The following PECAM1 variants were observed in gnomAD, a reference collection of about 807,000 sequenced individuals.
The protein encoded by PECAM1 is platelet and endothelial cell adhesion molecule 1, also known as platelet endothelial cell adhesion molecule.
In PECAM1, 8 loss-of-function variants were observed where a neutral mutation model predicts 13.8. The ratio of observed to expected loss-of-function variants is 0.58; its 90% CI spans 0.34 to 1.05. The LOEUF (loss-of-function observed/expected upper bound fraction) is 1.05. PECAM1 is among the 50% of genes least tolerant of loss of function. The pLI is 0.03. For missense variants in PECAM1, 304 were observed against 141.2 expected (o/e 2.15, Z -5.84); for synonymous variants, 136 against 52.6 (o/e 2.58, Z -6.86).
chr17:64,375,617 G>A (rs1300862149), intron 3 of PECAM1, among the ~76,000 whole-genome samples: 1 of 151,650 alleles, frequency 6.6e-6, no homozygotes, highest in Non-Finnish European at 1.5e-5. Flanking sequence ...CCCAGGAGTT[G>A]GAGACCAGCC....
chr17:64,376,370 C>T (rs1404193858), intron 3 of PECAM1, among the ~76,000 whole-genome samples: 1 of 151,842 alleles, frequency 6.6e-6, no homozygotes, highest in African/African-American at 2.4e-5. Flanking sequence ...TCAAGATGTA[C>T]TTGGTGTTTT....
intron 13 of PECAM1, among the ~76,000 whole-genome samples, chr17:64,342,600 G>A (rs1049023148): frequency 6.6e-5 from 10 of 152,058 alleles, no homozygotes; most frequent in African/African-American, 2.4e-4. Context: ...TGGTCTGGGG[G>A]GGTCCCTGGT....
Position 64,323,549 on chromosome 17 carries a change from C to T in PECAM1, c.*267G>A. 1 of 1,406,768 alleles carries T rather than the reference C, an allele frequency of 7.1e-7. No homozygotes were observed. The highest frequency in any genetic ancestry group is 9.2e-7 in the Non-Finnish European group (1 of 1,082,954). The allele number at this position is 1,406,768 out of a possible 1,614,324, so 87.1% of individuals were successfully genotyped here. On this transcript the variant is annotated 3_prime_UTR_variant, in exon 16 of 16. Transcript: ENST00000563924. ...CCAATGGCCTTGCCCTGGATCTCCT[C>T]TTGTGCTCTTCCAATTTCCAAGGAT...
intron 11 of PECAM1, among the ~76,000 whole-genome samples, chr17:64,351,063 A>G: frequency 6.6e-6 from 1 of 152,080 alleles, no homozygotes; most frequent in Non-Finnish European, 1.5e-5. Context: ...TTTTTAGTAG[A>G]AACAGGGTTA....
At chr17:64,386,199 G>A (rs990369603) in intron 2 of PECAM1, among the ~76,000 whole-genome samples, 109 of 152,256 alleles carry the variant, frequency 7.2e-4, no homozygotes, top group African/African-American at 2.4e-3. Flanking sequence ...AAGGTCAGGA[G>A]TTTGAGAATA....
At chr17:64,343,871 C>T (rs1016586326) in intron 13 of PECAM1, among the ~76,000 whole-genome samples, 117 of 152,268 alleles carry the variant, frequency 7.7e-4, no homozygotes, top group African/African-American at 2.6e-3. Context: ...GGGGATCCTC[C>T]ACATCCCCAA....
chr17:64,326,289 C>G (rs1471629056), intron 15 of PECAM1, among the ~76,000 whole-genome samples: 3 of 152,216 alleles, frequency 2.0e-5, no homozygotes, highest in Non-Finnish European at 4.4e-5. Flanking sequence ...TGGAGGATGA[C>G]CCAGGGTCTT....
chr17:64,388,584 A>C (rs2036649956), intron 2 of PECAM1, among the ~76,000 whole-genome samples: 1 of 152,248 alleles, frequency 6.6e-6, no homozygotes, highest in South Asian at 2.1e-4. Flanking sequence ...GGCTCCAGAC[A>C]AATGGTGCAG....
intron 2 of PECAM1, among the ~76,000 whole-genome samples, chr17:64,387,099 T>A (rs2036610479): frequency 6.6e-6 from 1 of 151,756 alleles, no homozygotes; most frequent in South Asian, 2.1e-4. Context: ...GAAGAGGGTT[T>A]GTTAGAGAGT....
intron 5 of PECAM1, among the ~76,000 whole-genome samples, chr17:64,368,901 G>GCAA (rs1462275333): frequency 2.1e-5 from 3 of 143,780 alleles, no homozygotes; most frequent in Non-Finnish European, 3.0e-5. Context: ...AACCCATCAT[G>GCAA]CAATGTTCAA....
Position 64,323,574 on chromosome 17 carries a change from T to A in PECAM1, c.*242A>T. The A allele has an allele frequency of 2.1e-6, 3 of 1,418,322 alleles. No individual in the cohort carries two copies. The highest frequency in any genetic ancestry group is 2.8e-6 in the Non-Finnish European group (3 of 1,089,668). The allele number at this position is 1,418,322 out of a possible 1,614,324, so 87.9% of individuals were successfully genotyped here. ...CTTGTGCTCTTCCAATTTCCAAGGA[T>A]GTTCCAACTTGGTGGAAGGAGGGTA... is the stretch of plus-strand genomic sequence containing the variant. On this transcript the variant is annotated 3_prime_UTR_variant, in exon 16 of 16. Transcript: ENST00000563924.
At chr17:64,386,421 A>G (rs1365674189) in intron 2 of PECAM1, among the ~76,000 whole-genome samples, 1 of 148,818 alleles carries the variant, frequency 6.7e-6, no homozygotes, top group Admixed American at 6.7e-5. Context: ...AAAAAAAAAG[A>G]AAAAGAAAGA....
At chr17:64,324,523 C>T (rs2034892220) in intron 15 of PECAM1, among the ~76,000 whole-genome samples, 1 of 152,206 alleles carries the variant, frequency 6.6e-6, no homozygotes, top group East Asian at 1.9e-4. Flanking sequence ...AAGGGTGCCC[C>T]ACTTACCCAC....
intron 12 of PECAM1, 145 bp downstream of exon 12, chr17:64,350,235 T>C (rs1354015106): frequency 1.3e-5 from 5 of 381,292 alleles, no homozygotes; most frequent in African/African-American, 1.0e-4. Flanking sequence ...GCTAGCTACC[T>C]TCATTGACAC....
Position 64,363,400 on chromosome 17 carries a change from G to A in PECAM1, c.968-3C>T, listed in dbSNP as rs1312748595. On this transcript the variant is annotated splice_polypyrimidine_tract_variant and splice_region_variant and intron_variant, in intron 5 of 15. Transcript: ENST00000563924. ...CAGTTCGGGCTTGGAAAATAGTTCT[G>A]AAAAACAGTGAGTGGGAATGGAGCG... is the stretch of plus-strand genomic sequence containing the variant. The A allele has an allele frequency of 3.2e-5, 15 of 475,390 alleles. No homozygotes were observed. The South Asian group carries it at 8.7e-4, about 28-fold the overall frequency. 29.4% of individuals were successfully genotyped at this position (475,390 alleles called of 1,614,324 possible).
chr17:64,355,010 A>G lies in PECAM1; in HGVS notation c.1811T>C (p.Ile604Thr). 2.1e-6 allele frequency: 1 copy of G among 475,412 alleles called. No individual in the cohort carries two copies. The highest frequency in any genetic ancestry group is 3.9e-6 in the Non-Finnish European group (1 of 259,050). 29.4% of individuals were successfully genotyped at this position (475,412 alleles called of 1,614,324 possible). ...VILAPWKKGLIAVVIIGVIIA... is the reference protein window; with the variant it reads ...VILAPWKKGLTAVVIIGVIIA... ...GATCACTCCGATGATAACCACTGCAATAAGTCCTTTCTTCCATGGGGCAAG... is the reference window on the plus strand; with the variant it reads ...GATCACTCCGATGATAACCACTGCAGTAAGTCCTTTCTTCCATGGGGCAAG... The change falls in exon 9 of 16, where the codon ATT (isoleucine) becomes ACT (threonine). Residue 604 changes from isoleucine (I) to threonine (T), a missense_variant. Coordinates refer to ENST00000563924, the MANE Select transcript of PECAM1 (RefSeq NM_000442.5).
intron 2 of PECAM1, among the ~76,000 whole-genome samples, chr17:64,385,816 G>A (rs977111172): frequency 5.3e-5 from 8 of 152,204 alleles, no homozygotes; most frequent in African/African-American, 1.2e-4. Flanking sequence ...AGAACAGCGT[G>A]TCCCAGGACA....
At chr17:64,378,266 G>GTAA (rs1370317605) in intron 2 of PECAM1, 149 bp from the exon 3 acceptor site, 2 of 396,282 alleles carry the variant, frequency 5.0e-6, no homozygotes, top group Non-Finnish European at 8.9e-6. Context: ...CAGGCTGATA[G>GTAA]TAACTGTGCA....
At chr17:64,335,046 T>G (rs2035238214) in intron 14 of PECAM1, among the ~76,000 whole-genome samples, 1 of 152,128 alleles carries the variant, frequency 6.6e-6, no homozygotes, top group East Asian at 1.9e-4. Context: ...AGCAGCTGCG[T>G]GTGGACACCT....
Sources: gnomAD v4.1 joint callset for allele counts (sites outside exome capture counted in the v4.1 genomes callset) on GRCh38, gnomAD v4.1.1 for gene constraint, MANE v1.5 for transcripts, NCBI Gene and HGNC (gene_info 2026-07-23, HGNC 2026-07-21) for gene names.